THOC1: variants seen among roughly 807,000 people sequenced by gnomAD.
The protein encoded by THOC1 is THO complex subunit 1, also known as THO complex 1.
THOC1 carries 29 observed loss-of-function variants against 97.3 expected under a neutral mutation model. The ratio of observed to expected loss-of-function variants is 0.30; its 90% CI spans 0.22 to 0.41. THOC1 has a LOEUF of 0.41. Ranked by LOEUF, THOC1 falls within the 10% of genes least tolerant of loss-of-function variation. The pLI is 1.00. For missense variants in THOC1, 529 were observed against 761.9 expected, an observed-to-expected ratio of 0.69 and a Z score of 3.60; for synonymous variants, 255 against 257.0, an observed-to-expected ratio of 0.99 and a Z score of 0.07.
intron 4 of THOC1, 198 bp from the exon 5 acceptor site, chr18:260,502 AATG>A (rs1274125968): frequency 1.1e-4 from 44 of 402,210 alleles, no homozygotes; most frequent in South Asian, 9.9e-4. Context: ...TGCACTCAGT[AATG>A]ATGACAATAA....
chr18:248,732 G>C (rs1055672016), intron 9 of THOC1, among the ~76,000 whole-genome samples: 3 of 151,860 alleles, frequency 2.0e-5, no homozygotes, highest in Non-Finnish European at 4.4e-5. Context: ...CAAATCTACA[G>C]TGTCAATACA....
chr18:230,482 C>T lies in THOC1; in HGVS notation c.919-3581G>A, dbSNP rs144306420. ...ACAATGGATTGAAAATAGGAGTCAA[C>T]AAAACACTGAATCAGGGGTGGAAAG... is the stretch of plus-strand genomic sequence containing the variant. On this transcript the variant is annotated intron_variant, in intron 11 of 20. Coordinates refer to ENST00000261600, the MANE Select transcript of THOC1 (RefSeq NM_005131.3). Among the ~76,000 whole-genome samples the T allele has an allele frequency of 3.5e-3, 538 of 152,184 alleles. 1 individual carries two copies. The highest frequency in any genetic ancestry group is 0.012 in the African/African-American group (501 of 41,516).
At position 268,029 on chromosome 18, in the gene THOC1, T is replaced by G; in HGVS notation, c.-10A>C. The G allele has an allele frequency of 1.3e-6, 2 of 1,576,402 alleles. No homozygotes were observed. The highest frequency in any genetic ancestry group is 1.7e-6 in the Non-Finnish European group (2 of 1,160,868). On this transcript the variant is annotated 5_prime_UTR_variant, in exon 1 of 21. Coordinates refer to ENST00000261600, the MANE Select transcript of THOC1 (RefSeq NM_005131.3). ...GCGGCGTCGGAGACATCTTCTCGGC[T>G]GCGCGTGCCCGCCACTGCGCTGCGG...
At chr18:248,875 T>C (rs770421469) in intron 9 of THOC1, among the ~76,000 whole-genome samples, 1 of 152,008 alleles carries the variant, frequency 6.6e-6, no homozygotes, top group Non-Finnish European at 1.5e-5. Flanking sequence ...CTCAGCCTCC[T>C]GAGTAGCTGG....
chr18:245,520 T>A (rs535092522), intron 11 of THOC1: 1 of 152,302 alleles, frequency 6.6e-6, no homozygotes, highest in Non-Finnish European at 1.5e-5. Context: ...TATAAAACCA[T>A]AGCCCTTGGC....
intron 15 of THOC1, 103 bp downstream of exon 15, chr18:224,821 T>A (rs1386953482): frequency 1.1e-6 from 1 of 898,576 alleles, no homozygotes; most frequent in Non-Finnish European, 1.7e-6. Flanking sequence ...AATATATACA[T>A]GTATTTTTAC....
rs763779700 is a variant in THOC1, at chr18:214,601, TTAA to T, written c.*22_*24del. On this transcript the variant is annotated 3_prime_UTR_variant, in exon 21 of 21. Coordinates refer to ENST00000261600, the MANE Select transcript of THOC1 (RefSeq NM_005131.3). ...CTTGGTAACAAAATCTATCACAGTTTTAATAAAAAGAAAAAAAAAAGAAGCTAA... is the reference window on the plus strand; with the variant it reads ...CTTGGTAACAAAATCTATCACAGTTTTAAAAAGAAAAAAAAAAGAAGCTAA... The T allele has an allele frequency of 3.0e-5, 47 of 1,575,188 alleles. No homozygotes were observed. The South Asian group carries it at 5.4e-4, about 18-fold the overall frequency.
At chr18:227,705 A>G (rs1477543899) in intron 11 of THOC1, among the ~76,000 whole-genome samples, 2 of 152,180 alleles carry the variant, frequency 1.3e-5, no homozygotes, top group East Asian at 3.9e-4. Flanking sequence ...GGAAGGCTGA[A>G]GTCTGTATCC....
intron 17 of THOC1, among the ~76,000 whole-genome samples, chr18:221,756 C>A (rs538462197): frequency 2.0e-5 from 3 of 152,176 alleles, no homozygotes; most frequent in African/African-American, 4.8e-5. Flanking sequence ...CTACAGGCGC[C>A]TGCCACCACA....
At position 263,198 on chromosome 18, in the gene THOC1, G is replaced by C. The variant is rs572707930; in HGVS notation, c.256+828C>G. Among the ~76,000 whole-genome samples the C allele has an allele frequency of 3.8e-3, 579 of 152,022 alleles. 2 individuals carry two copies. Among genetic ancestry groups the C allele is most frequent in the Non-Finnish European group, 6.3e-3 (425 of 67,972 alleles). ...CGGGTTCACACCATTCTCCTGCCTCGGCCTCCTGAGTAGCTGGGACTACAG... is the reference window on the plus strand; with the variant it reads ...CGGGTTCACACCATTCTCCTGCCTCCGCCTCCTGAGTAGCTGGGACTACAG... On this transcript the variant is annotated intron_variant, in intron 4 of 20. Coordinates refer to ENST00000261600, the MANE Select transcript of THOC1 (RefSeq NM_005131.3).
Position 225,130 on chromosome 18 carries a change from C to A in THOC1, c.1096G>T (p.Glu366Ter). ...AATCTTTCTCCATCGGGGGGGTTTT[C>A]AGATAGTAGCTGTGATTAGAAAGAA... ...TTKSVYQLLS[E>*]NPPDGERFSK... The change falls in exon 14 of 21, where the codon GAA becomes TAA. Residue 366 changes from glutamate to a stop codon, truncating the protein, a stop_gained. Transcript: ENST00000261600. LOFTEE classifies it high-confidence loss of function. 1 of 1,574,716 alleles carries A rather than the reference C, an allele frequency of 6.4e-7. No individual in the cohort carries two copies. Among genetic ancestry groups the A allele is most frequent in the East Asian group, 2.3e-5 (1 of 43,800 alleles).
intron 9 of THOC1, 78 bp from the exon 10 acceptor site, chr18:248,035 G>T: frequency 2.1e-6 from 2 of 936,846 alleles, no homozygotes; most frequent in Non-Finnish European, 3.1e-6. Context: ...CTTAGCTTTG[G>T]TCACAAACCG....
chr18:248,481 T>A (rs59895994), intron 9 of THOC1, among the ~76,000 whole-genome samples: 32,766 of 152,150 alleles, frequency 0.22, 3,997 homozygotes, highest in South Asian at 0.35. Context: ...TTGGACTGCC[T>A]GCTTCTAGAC....
At position 265,395 on chromosome 18, in the gene THOC1, A is replaced by G. The variant is rs376733390; in HGVS notation, c.129-32T>C. 2.5e-6 allele frequency: 4 copies of G among 1,594,710 alleles called. No homozygotes were observed. The South Asian group carries it at 3.5e-5, about 14-fold the overall frequency. Reference sequence around the variant, plus strand: ...AAAACAAAAGACATCCTCATTTTTCAAACAGCTCAGGGTATGTATAAAGAT... The same window carrying G: ...AAAACAAAAGACATCCTCATTTTTCGAACAGCTCAGGGTATGTATAAAGAT... On this transcript the variant is annotated intron_variant, in intron 2 of 20. Coordinates refer to ENST00000261600, the MANE Select transcript of THOC1 (RefSeq NM_005131.3).
intron 11 of THOC1, 189 bp downstream of exon 11, chr18:246,135 T>A: frequency 2.1e-6 from 1 of 484,510 alleles, no homozygotes; most frequent in Non-Finnish European, 3.6e-6. Context: ...ACTTTCACCT[T>A]TGAAACCAAA....
intron 19 of THOC1, 103 bp from the exon 20 acceptor site, chr18:215,607 G>T: frequency 1.1e-6 from 1 of 890,878 alleles, no homozygotes; most frequent in Non-Finnish European, 1.8e-6. Flanking sequence ...CAAGTACAGG[G>T]TGCCAGAACC....
intron 17 of THOC1, among the ~76,000 whole-genome samples, chr18:221,710 G>A (rs999906858): frequency 3.4e-5 from 5 of 146,390 alleles, no homozygotes; most frequent in South Asian, 4.4e-4. Context: ...CCAGGTTCAC[G>A]CCATTCTCCT....
At chr18:247,214 C>T (rs1912124407) in intron 10 of THOC1, among the ~76,000 whole-genome samples, 1 of 152,194 alleles carries the variant, frequency 6.6e-6, no homozygotes, top group African/African-American at 2.4e-5. Context: ...TAACATAACA[C>T]ACACCATGCT....
At chr18:249,909 G>C (rs1223196163) in intron 9 of THOC1, among the ~76,000 whole-genome samples, 1 of 152,138 alleles carries the variant, frequency 6.6e-6, no homozygotes, top group Non-Finnish European at 1.5e-5. Context: ...AATGTACCAG[G>C]AAAGTTTGTC....
Sources: gnomAD v4.1 joint callset for allele counts (sites outside exome capture counted in the v4.1 genomes callset) on GRCh38, gnomAD v4.1.1 for gene constraint, MANE v1.5 for transcripts, NCBI Gene and HGNC (gene_info 2026-07-23, HGNC 2026-07-21) for gene names.